NPAS3: variants seen among roughly 807,000 people sequenced by gnomAD.
NPAS3 encodes neuronal PAS domain protein 3.
In NPAS3, 14 loss-of-function variants were observed where a neutral mutation model predicts 73.1. The ratio of observed to expected loss-of-function variants is 0.19; its 90% CI spans 0.13 to 0.30. The LOEUF (loss-of-function observed/expected upper bound fraction) is 0.30. NPAS3 is among the 10% of genes least tolerant of loss of function. The pLI, the probability that NPAS3 is intolerant of heterozygous loss-of-function variation, is 1.00. For missense variants in NPAS3, 1,096 were observed against 1,250.0 expected (o/e 0.88, Z 1.86); for synonymous variants, 620 against 541.5 (o/e 1.14, Z -2.01).
intron 4 of NPAS3, among the ~76,000 whole-genome samples, chr14:33,480,491 C>T (rs1287816562): frequency 1.3e-5 from 2 of 151,192 alleles, no homozygotes; most frequent in African/African-American, 2.4e-5. Context: ...CATATTCTCT[C>T]CGTCTGTCTC....
chr14:33,311,027 C>A (rs2042982355), intron 3 of NPAS3, among the ~76,000 whole-genome samples: 1 of 152,090 alleles, frequency 6.6e-6, no homozygotes, highest in African/African-American at 2.4e-5. Context: ...GTGTATGGTT[C>A]TGCAGAGTGA....
At chr14:33,144,436 G>T (rs918862035) in intron 2 of NPAS3, among the ~76,000 whole-genome samples, 1 of 152,228 alleles carries the variant, frequency 6.6e-6, no homozygotes, top group Non-Finnish European at 1.5e-5. Flanking sequence ...GTTTTCATCA[G>T]TTGCTGAGAC....
intron 1 of NPAS3, among the ~76,000 whole-genome samples, chr14:32,957,581 C>T (rs2036729184): frequency 6.6e-6 from 1 of 152,098 alleles, no homozygotes; most frequent in African/African-American, 2.4e-5. Context: ...ACTGTGTTAG[C>T]CAGGATGGTC....
At chr14:33,643,399 C>CAA (rs753489506) in intron 5 of NPAS3, among the ~76,000 whole-genome samples, 13,734 of 62,842 alleles carry the variant, frequency 0.22, 670 homozygotes, top group South Asian at 0.28. Context: ...AAAAAAAAAA[C>CAA]GAGAGAGATG....
At chr14:32,938,485 T>TAGAGAGAGAGAGACAGAGAGAG (rs1491191135), upstream of NPAS3, among the ~76,000 whole-genome samples, 2 of 21,750 alleles carry the variant, frequency 9.2e-5, no homozygotes, top group Non-Finnish European at 1.7e-4. Context: ...GAGAGAGAAA[T>TAGAGAGAGAGAGACAGAGAGAG]TGAGAGAGAG....
At chr14:33,802,540 A>C (rs2063742067), downstream of NPAS3, 1 of 152,198 alleles carries the variant, frequency 6.6e-6, no homozygotes, top group South Asian at 2.1e-4. Flanking sequence ...GCATCTAATA[A>C]CAGATGTGAG....
chr14:33,050,360 C>T (rs935398632), intron 1 of NPAS3, among the ~76,000 whole-genome samples: 4 of 152,288 alleles, frequency 2.6e-5, no homozygotes, highest in Middle Eastern at 3.4e-3. Context: ...GAATCATCTC[C>T]AAGCCAACAT....
intron 1 of NPAS3, among the ~76,000 whole-genome samples, chr14:33,024,781 T>C (rs1328771596): frequency 6.6e-6 from 1 of 152,226 alleles, no homozygotes; most frequent in African/African-American, 2.4e-5. Context: ...ATAATTTTTA[T>C]TTTGTTTATG....
At chr14:33,068,639 A>G (rs1473987608) in intron 2 of NPAS3, among the ~76,000 whole-genome samples, 2 of 152,234 alleles carry the variant, frequency 1.3e-5, no homozygotes, top group African/African-American at 4.8e-5. Context: ...GTGCAGTGGA[A>G]CAAAAATACA....
intron 6 of NPAS3, among the ~76,000 whole-genome samples, chr14:33,714,225 C>G (rs1257917241): frequency 1.3e-5 from 2 of 151,968 alleles, no homozygotes; most frequent in Non-Finnish European, 2.9e-5. Context: ...TTATTTGTCC[C>G]CACAGCATTT....
intron 5 of NPAS3, among the ~76,000 whole-genome samples, chr14:33,617,337 G>A (rs1034261747): frequency 6.6e-6 from 1 of 152,076 alleles, no homozygotes; most frequent in East Asian, 1.9e-4. Context: ...AATTAGCAAG[G>A]TACAAGAGCA....
At position 33,759,895 on chromosome 14, in the gene NPAS3, G is replaced by C. The variant is rs149267025; in HGVS notation, c.853-14442G>C. The stretch of plus-strand genomic sequence containing the variant: ...CATTTAGCATAATGGATATGATAAA[G>C]TTTCTAGAATGATTTTTATTTAAGC... On this transcript the variant is annotated intron_variant, in intron 7 of 11. Coordinates refer to ENST00000356141, the Ensembl canonical transcript of NPAS3. 7.9e-5 allele frequency among the ~76,000 whole-genome samples: 12 copies of C among 152,324 alleles called. No homozygotes were observed. The East Asian group carries it at 2.3e-3, about 29-fold the overall frequency.
chr14:33,340,053 T>C (rs886154815), intron 3 of NPAS3, among the ~76,000 whole-genome samples: 1 of 152,240 alleles, frequency 6.6e-6, no homozygotes, highest in Non-Finnish European at 1.5e-5. Flanking sequence ...AGTTTTTTTA[T>C]TCCTATTGGT....
At chr14:33,701,804 A>G (rs2060529768) in intron 6 of NPAS3, among the ~76,000 whole-genome samples, 1 of 152,208 alleles carries the variant, frequency 6.6e-6, no homozygotes, top group African/African-American at 2.4e-5. Flanking sequence ...CCCATGAGGT[A>G]CAATTTGTGA....
intron 7 of NPAS3, among the ~76,000 whole-genome samples, chr14:33,763,346 G>A (rs2062357705): frequency 6.6e-6 from 1 of 152,202 alleles, no homozygotes; most frequent in African/African-American, 2.4e-5. Flanking sequence ...AGTTCAGAGG[G>A]TAGCTTAAGA....
At chr14:33,318,379 A>G (rs573247216) in intron 3 of NPAS3, among the ~76,000 whole-genome samples, 1 of 152,252 alleles carries the variant, frequency 6.6e-6, no homozygotes, top group South Asian at 2.1e-4. Flanking sequence ...AAGTGTATAG[A>G]GTTTAGCTTT....
chr14:33,043,157 CTACTT>C (rs1253997240), intron 1 of NPAS3, among the ~76,000 whole-genome samples: 1 of 152,082 alleles, frequency 6.6e-6, no homozygotes, highest in African/African-American at 2.4e-5. Context: ...TTGGTACAGT[CTACTT>C]TAATGTTAAA....
At chr14:33,217,413 G>A (rs1041159776) in intron 3 of NPAS3, among the ~76,000 whole-genome samples, 1 of 152,122 alleles carries the variant, frequency 6.6e-6, no homozygotes, top group East Asian at 1.9e-4. Context: ...TCTAGTTTGA[G>A]GCACAGGCTA....
At chr14:33,646,415 T>G (rs1469542677) in intron 5 of NPAS3, among the ~76,000 whole-genome samples, 1 of 152,194 alleles carries the variant, frequency 6.6e-6, no homozygotes, top group Non-Finnish European at 1.5e-5. Context: ...TTGCCATTAT[T>G]TTATCTAGTA....
Sources: allele counts gnomAD v4.1 joint callset (sites outside exome capture counted in the v4.1 genomes callset), GRCh38; gene constraint gnomAD v4.1.1; transcripts MANE v1.5; gene names NCBI Gene and HGNC (gene_info 2026-07-23, HGNC 2026-07-21).